Variants in HAPLN1 observed in about 807,000 individuals in gnomAD.
HAPLN1 encodes the protein Cartilage link protein.
Under a neutral mutation model 36.5 loss-of-function variants are expected in HAPLN1, and 13 were observed. The observed-to-expected ratio is 0.36, with a 90% CI of 0.23 to 0.57. The LOEUF is 0.57. Among genes scored for constraint, HAPLN1 ranks in the 20% least tolerant of loss-of-function variants. The pLI is 0.83. For missense variants in HAPLN1, 407 were observed against 439.7 expected, an observed-to-expected ratio of 0.93 and a Z score of 0.66; for synonymous variants, 202 against 169.8, an observed-to-expected ratio of 1.19 and a Z score of -1.48.
chr5:83,639,499 A>C lies in HAPLN1; in HGVS notation c.*1997T>G, dbSNP rs1749618345. The C allele has an allele frequency of 6.6e-6, 1 of 152,094 alleles. No homozygotes were observed. The highest frequency in any genetic ancestry group is 1.5e-5 in the Non-Finnish European group (1 of 67,942). The allele number at this position is 152,094 out of a possible 1,614,324, so 9.4% of individuals were successfully genotyped here. On this transcript the variant is annotated 3_prime_UTR_variant, in exon 5 of 5. Coordinates refer to ENST00000274341, the MANE Select transcript of HAPLN1 (RefSeq NM_001884.4). The stretch of plus-strand genomic sequence containing the variant: ...ATTTGTTCCCACTTGTATTTTCAAC[A>C]AAATTATCGGAACATACATAATAAT...
At chr5:83,707,966 T>C (rs1751689393) in intron 1 of HAPLN1, among the ~76,000 whole-genome samples, 1 of 152,210 alleles carries the variant, frequency 6.6e-6, no homozygotes, top group African/African-American at 2.4e-5. Flanking sequence ...TTATAAAAGC[T>C]CAATATCACT....
intron 2 of HAPLN1, among the ~76,000 whole-genome samples, chr5:83,666,111 C>A (rs1750543166): frequency 6.6e-6 from 1 of 152,106 alleles, no homozygotes; most frequent in South Asian, 2.1e-4. Flanking sequence ...AGTTTGATAA[C>A]CTCTTGATTG....
intron 2 of HAPLN1, among the ~76,000 whole-genome samples, chr5:83,667,248 A>G (rs990666715): frequency 6.6e-6 from 1 of 152,146 alleles, no homozygotes; most frequent in Admixed American, 6.5e-5. Flanking sequence ...CTCATTTATT[A>G]TATTAATATG....
chr5:83,675,825 GT>G (rs965216709), intron 1 of HAPLN1, among the ~76,000 whole-genome samples: 1 of 152,148 alleles, frequency 6.6e-6, no homozygotes, highest in Admixed American at 6.5e-5. Flanking sequence ...GAACAATAAT[GT>G]GAGACAAATA....
chr5:83,643,287 T>C (rs890393529), intron 4 of HAPLN1, among the ~76,000 whole-genome samples: 3 of 149,186 alleles, frequency 2.0e-5, no homozygotes, highest in African/African-American at 7.4e-5. Context: ...GAGGTGGAGG[T>C]TGCAGTGAGC....
intron 1 of HAPLN1, among the ~76,000 whole-genome samples, chr5:83,680,602 A>G (rs1278614191): frequency 6.6e-6 from 1 of 152,188 alleles, no homozygotes; most frequent in Non-Finnish European, 1.5e-5. Context: ...ATAAATAAAT[A>G]TTAAGCAATA....
chr5:83,652,947 C>T, intron 2 of HAPLN1, 123 bp from the exon 3 acceptor site: 1 of 925,446 alleles, frequency 1.1e-6, no homozygotes. Context: ...TGGTTAGCTT[C>T]TCTACGTAAT....
chr5:83,700,689 A>G lies in HAPLN1; in HGVS notation c.-27+20100T>C, dbSNP rs1376465858. 2.0e-5 allele frequency among the ~76,000 whole-genome samples: 3 copies of G among 148,010 alleles called. No homozygotes were observed. The East Asian group carries it at 5.9e-4, about 29-fold the overall frequency. On this transcript the variant is annotated intron_variant, in intron 1 of 4. Coordinates refer to ENST00000274341, the MANE Select transcript of HAPLN1 (RefSeq NM_001884.4). ...ACTTTTAGGCAGCTAATGCACTACC[A>G]TTCATAATGACTATTAGACTAAGCT...
intron 1 of HAPLN1, among the ~76,000 whole-genome samples, chr5:83,688,445 C>T (rs1751188708): frequency 6.6e-6 from 1 of 152,094 alleles, no homozygotes; most frequent in African/African-American, 2.4e-5. Flanking sequence ...AGCTGACTGG[C>T]ACAGTCCCCA....
chr5:83,699,185 C>A (rs951851173), intron 1 of HAPLN1, among the ~76,000 whole-genome samples: 1 of 152,142 alleles, frequency 6.6e-6, no homozygotes, highest in Non-Finnish European at 1.5e-5. Flanking sequence ...TGTAAATAGA[C>A]AAACATAAAA....
At chr5:83,653,761 A>C (rs1218876270) in intron 2 of HAPLN1, among the ~76,000 whole-genome samples, 1 of 152,240 alleles carries the variant, frequency 6.6e-6, no homozygotes, top group African/African-American at 2.4e-5. Flanking sequence ...CCAAGTCAGC[A>C]GGTCTGCCGT....
chr5:83,660,907 C>T (rs2112579190), intron 2 of HAPLN1, among the ~76,000 whole-genome samples: 1 of 152,186 alleles, frequency 6.6e-6, no homozygotes, highest in African/African-American at 2.4e-5. Flanking sequence ...GGTGCCTGGC[C>T]TATAGTGAGT....
chr5:83,641,558 C>T lies in HAPLN1; in HGVS notation c.1003G>A (p.Val335Met), dbSNP rs761753572. 6.2e-7 allele frequency: 1 copy of T among 1,614,112 alleles called. No individual in the cohort carries two copies. The highest frequency in any genetic ancestry group is 2.2e-5 in the East Asian group (1 of 44,880). The change falls in exon 5 of 5, where the codon GTG becomes ATG. Residue 335 changes from valine (V) to methionine (M), a missense_variant. Val to Met is a conservative substitution (Grantham distance 21). Coordinates refer to ENST00000274341, the MANE Select transcript of HAPLN1 (RefSeq NM_001884.4). ...TTATGCTTTTTATCTGGGAAACCCA[C>T]GAAGCGCACTGCAGCCTCAGTAGGA... Reference protein sequence around the residue: ...CSPTEAAVRFVGFPDKKHKLY... With the variant: ...CSPTEAAVRFMGFPDKKHKLY...
At chr5:83,681,514 T>C (rs529690820) in intron 1 of HAPLN1, among the ~76,000 whole-genome samples, 1 of 152,080 alleles carries the variant, frequency 6.6e-6, no homozygotes, top group South Asian at 2.1e-4. Context: ...ATTAATTAAT[T>C]AATGAATTTT....
chr5:83,705,917 T>C (rs1326746445), intron 1 of HAPLN1, among the ~76,000 whole-genome samples: 1 of 151,346 alleles, frequency 6.6e-6, no homozygotes, highest in Non-Finnish European at 1.5e-5. Context: ...CACAGAAATA[T>C]TAATAAAAAC....
At chr5:83,648,404 T>C (rs1359312693) in intron 3 of HAPLN1, among the ~76,000 whole-genome samples, 8 of 71,118 alleles carry the variant, frequency 1.1e-4, no homozygotes, top group African/African-American at 4.6e-4. Context: ...ACTATATATA[T>C]ATATATATAT....
intron 1 of HAPLN1, among the ~76,000 whole-genome samples, chr5:83,690,512 C>G (rs1751245720): frequency 6.6e-6 from 1 of 151,930 alleles, no homozygotes; most frequent in Admixed American, 6.6e-5. Context: ...ATGTTGGAAT[C>G]TAGAATAAGT....
chr5:83,720,390 C>G (rs1307459537), intron 1 of HAPLN1, among the ~76,000 whole-genome samples: 1 of 152,168 alleles, frequency 6.6e-6, no homozygotes, highest in Admixed American at 6.5e-5. Flanking sequence ...ATAAGCCTGG[C>G]TGGACATTCC....
chr5:83,708,185 A>G (rs1476799800), intron 1 of HAPLN1, among the ~76,000 whole-genome samples: 4 of 152,270 alleles, frequency 2.6e-5, no homozygotes, highest in African/African-American at 9.6e-5. Flanking sequence ...CAGAACTACC[A>G]TTCCACCCAG....
Sources: gnomAD v4.1 joint callset for allele counts (sites outside exome capture counted in the v4.1 genomes callset) on GRCh38, gnomAD v4.1.1 for gene constraint, MANE v1.5 for transcripts, NCBI Gene and HGNC (gene_info 2026-07-23, HGNC 2026-07-21) for gene names.